Variants in RRP1B observed in about 807,000 individuals in gnomAD.
RRP1B encodes the protein ribosomal RNA processing 1B.
A neutral mutation model predicts 80.2 loss-of-function variants in RRP1B; 56 were observed. The ratio of observed to expected loss-of-function variants is 0.70; its 90% CI spans 0.56 to 0.87. The LOEUF (loss-of-function observed/expected upper bound fraction) is 0.87, where lower values mean the gene tolerates loss of function less well. Among genes scored for constraint, RRP1B ranks in the 40% least tolerant of loss-of-function variants. RRP1B has a pLI of 0.00. For missense variants in RRP1B, 807 were observed against 939.8 expected, an observed-to-expected ratio of 0.86 and a Z score of 1.85; for synonymous variants, 351 against 357.6, an observed-to-expected ratio of 0.98 and a Z score of 0.21.
chr21:43,675,399 A>G (rs949268878), intron 6 of RRP1B, among the ~76,000 whole-genome samples: 3 of 152,214 alleles, frequency 2.0e-5, no homozygotes, highest in Non-Finnish European at 4.4e-5. Context: ...TACAGACTCC[A>G]CTAAAGAACT....
At position 43,693,108 on chromosome 21, in the gene RRP1B, C is replaced by G; in HGVS notation, c.2084-82C>G. ...TCCTAGCAAGTGGGTGGGGTCGGCACCCAGGCAGGACGCTGTCTAAGGTGT... is the reference window on the plus strand; with the variant it reads ...TCCTAGCAAGTGGGTGGGGTCGGCAGCCAGGCAGGACGCTGTCTAAGGTGT... On this transcript the variant is annotated intron_variant, in intron 15 of 15. Coordinates refer to ENST00000340648, the MANE Select transcript of RRP1B (RefSeq NM_015056.3). The surrounding 1 kb of genome is among the most constrained non-coding windows in gnomAD (Gnocchi z 4.1). The G allele has an allele frequency of 6.8e-7, 1 of 1,475,624 alleles. No individual in the cohort carries two copies. The highest frequency in any genetic ancestry group is 1.9e-5 in the Admixed American group (1 of 52,498). The allele number at this position is 1,475,624 out of a possible 1,614,324, so 91.4% of individuals were successfully genotyped here. A position where few individuals can be genotyped will look rare whatever the true frequency, so the allele number is the denominator to read the frequency against.
In RRP1B at chr21:43,659,711, T is replaced by C; in HGVS notation, c.47T>C (p.Leu16Pro). 6.5e-7 allele frequency: 1 copy of C among 1,531,902 alleles called. No individual in the cohort carries two copies. Among genetic ancestry groups the C allele is most frequent in the Non-Finnish European group, 8.8e-7 (1 of 1,138,480 alleles). 94.9% of individuals were successfully genotyped at this position (1,531,902 alleles called of 1,614,324 possible). ...QPAEIQFAQR[L>P]ASSEKGIRDR... ...GCCGAGATCCAATTTGCCCAGCGGC[T>C]GGCGTCCAGCGAGAAGGGCATCCGG... The change falls in exon 1 of 16, where the codon CTG becomes CCG. Residue 16 changes from leucine to proline, a missense_variant. Transcript: ENST00000340648. The surrounding 1 kb of genome is among the most constrained non-coding windows in gnomAD (Gnocchi z 4.2).
intron 1 of RRP1B, among the ~76,000 whole-genome samples, chr21:43,660,769 G>A (rs954432518): frequency 1.3e-4 from 20 of 152,082 alleles, no homozygotes; most frequent in Non-Finnish European, 2.5e-4. Context: ...CCAATAAGTT[G>A]GGGTTGGGGG....
chr21:43,666,393 T>C (rs1421953703), intron 1 of RRP1B, among the ~76,000 whole-genome samples: 1 of 152,076 alleles, frequency 6.6e-6, no homozygotes, highest in African/African-American at 2.4e-5. Flanking sequence ...GTTGAGCTCC[T>C]GCACAAAGTT....
chr21:43,675,204 C>A, intron 6 of RRP1B, 41 bp downstream of exon 6: 1 of 1,600,364 alleles, frequency 6.2e-7, no homozygotes, highest in Non-Finnish European at 8.5e-7. Context: ...GTGAGGGGGC[C>A]GCCAGTGTTC....
intron 10 of RRP1B, among the ~76,000 whole-genome samples, chr21:43,685,196 C>G (rs983317212): frequency 6.6e-6 from 1 of 152,174 alleles, no homozygotes; most frequent in Non-Finnish European, 1.5e-5. Context: ...TGTATACATT[C>G]AAGTATTCCA....
Position 43,690,277 on chromosome 21 carries a change from C to T in RRP1B, c.1867-11C>T, listed in dbSNP as rs761703684. The T allele has an allele frequency of 7.4e-6, 12 of 1,613,734 alleles. No homozygotes were observed. Among genetic ancestry groups the T allele is most frequent in the African/African-American group, 5.3e-5 (4 of 74,928 alleles). On this transcript the variant is annotated splice_polypyrimidine_tract_variant and intron_variant, in intron 13 of 15. Coordinates refer to ENST00000340648, the MANE Select transcript of RRP1B (RefSeq NM_015056.3). Reference sequence around the variant, plus strand: ...GACCCCTCCTCCGCTTCTCACCCCTCGCTCACGTAGGGAAGCAGTGGGACT... The same window carrying T: ...GACCCCTCCTCCGCTTCTCACCCCTTGCTCACGTAGGGAAGCAGTGGGACT...
At chr21:43,687,431 C>T (rs1436830696) in intron 12 of RRP1B, 85 bp from the exon 13 acceptor site, 41 of 1,386,712 alleles carry the variant, frequency 3.0e-5, no homozygotes, top group East Asian at 2.4e-4. Context: ...AAATTGCGTC[C>T]GCCAGTCATA....
chr21:43,676,119 T>G (rs2083021506), intron 6 of RRP1B, among the ~76,000 whole-genome samples, 153 bp from the exon 7 acceptor site: 1 of 152,174 alleles, frequency 6.6e-6, no homozygotes, highest in Non-Finnish European at 1.5e-5. Context: ...TCCAGGCTTC[T>G]GTGGCATTCC....
intron 1 of RRP1B, among the ~76,000 whole-genome samples, chr21:43,668,577 G>A (rs908294450): frequency 2.0e-5 from 3 of 152,030 alleles, no homozygotes; most frequent in Admixed American, 2.0e-4. Flanking sequence ...CACTGTGTTA[G>A]TGAGGATGGT....
chr21:43,670,277 G>A (rs1049363023), intron 2 of RRP1B, among the ~76,000 whole-genome samples: 2 of 152,108 alleles, frequency 1.3e-5, no homozygotes, highest in Non-Finnish European at 2.9e-5. Context: ...TTTATTTTTT[G>A]TGGTCAAGGA....
intron 1 of RRP1B, among the ~76,000 whole-genome samples, chr21:43,661,936 C>T (rs1167910881): frequency 2.0e-5 from 3 of 152,356 alleles, no homozygotes; most frequent in East Asian, 3.9e-4. Flanking sequence ...CAAAAAGCCT[C>T]GCCTAGCATC....
chr21:43,687,317 C>T (rs1480066349), intron 12 of RRP1B, among the ~76,000 whole-genome samples, 199 bp from the exon 13 acceptor site: 1 of 152,148 alleles, frequency 6.6e-6, no homozygotes, highest in African/African-American at 2.4e-5. Flanking sequence ...GGAAGGCTTC[C>T]AGTCACAGTT....
chr21:43,670,916 GT>G (rs561681554), intron 2 of RRP1B, among the ~76,000 whole-genome samples: 3 of 152,148 alleles, frequency 2.0e-5, no homozygotes, highest in Non-Finnish European at 4.4e-5. Context: ...GTAATAACTT[GT>G]TTTAATTTAT....
intron 7 of RRP1B, 62 bp downstream of exon 7, chr21:43,676,398 C>T (rs560070660): frequency 1.2e-5 from 15 of 1,293,682 alleles, no homozygotes; most frequent in African/African-American, 2.9e-5. Context: ...AGTTACTTGC[C>T]GTCGTGCAGC....
At chr21:43,674,558 C>G in intron 4 of RRP1B, 78 bp from the exon 5 acceptor site, 1 of 1,073,606 alleles carries the variant, frequency 9.3e-7, no homozygotes, top group East Asian at 2.7e-5. Flanking sequence ...CTTCATTCTG[C>G]TGAGCTGATT....
chr21:43,684,318 G>A (rs1018491487), intron 9 of RRP1B, among the ~76,000 whole-genome samples: 4 of 151,972 alleles, frequency 2.6e-5, no homozygotes, highest in Admixed American at 6.6e-5. Context: ...TGATCCACCC[G>A]CCTCAGCCTC....
chr21:43,673,354 C>T (rs1458189701), intron 3 of RRP1B, among the ~76,000 whole-genome samples: 1 of 152,162 alleles, frequency 6.6e-6, no homozygotes, highest in East Asian at 1.9e-4. Flanking sequence ...AAGACCAAGG[C>T]CAGGCACGGT....
chr21:43,671,680 G>A (rs2083000109), intron 2 of RRP1B, among the ~76,000 whole-genome samples: 1 of 149,902 alleles, frequency 6.7e-6, no homozygotes, highest in South Asian at 2.1e-4. Context: ...AGCTTAGATG[G>A]GGGTTTTTTG....
Sources: gnomAD v4.1 joint callset for allele counts (sites outside exome capture counted in the v4.1 genomes callset) on GRCh38, gnomAD v4.1.1 for gene constraint, Gnocchi (gnomAD v3.1) non-coding constraint, MANE v1.5 for transcripts, NCBI Gene and HGNC (gene_info 2026-07-23, HGNC 2026-07-21) for gene names.